The following ARPP21 variants were observed in gnomAD, a reference collection of about 807,000 sequenced individuals.
ARPP21 encodes cAMP regulated phosphoprotein 21.
In ARPP21, 69 loss-of-function variants were observed where a neutral mutation model predicts 113.2. The ratio of observed to expected loss-of-function variants is 0.61; its 90% CI spans 0.50 to 0.74. ARPP21 has a LOEUF of 0.74. ARPP21 is among the 30% of genes least tolerant of loss of function. The pLI is 0.00. For missense variants in ARPP21, 1,070 were observed against 1,037.4 expected (o/e 1.03, Z -0.43); for synonymous variants, 368 against 375.5 (o/e 0.98, Z 0.23).
At chr3:35,725,843 T>G (rs982413530) in intron 14 of ARPP21, among the ~76,000 whole-genome samples, 1 of 151,104 alleles carries the variant, frequency 6.6e-6, no homozygotes, top group Non-Finnish European at 1.5e-5. Flanking sequence ...AGCTTTCCAC[T>G]GTGAGTAGCA....
Position 35,656,688 on chromosome 3 carries a change from G to A in ARPP21, c.-213+16290G>A, listed in dbSNP as rs144175551. Reference sequence around the variant, plus strand: ...GGAGGGGTGTCACTGTAAAGGGGTCGTATGAGGAAGTTAAAAAACTGGAAC... The same window carrying A: ...GGAGGGGTGTCACTGTAAAGGGGTCATATGAGGAAGTTAAAAAACTGGAAC... On this transcript the variant is annotated intron_variant, in intron 1 of 20. Transcript: ENST00000684406. Among the ~76,000 whole-genome samples, 181 of 152,080 alleles carry A rather than the reference G, an allele frequency of 1.2e-3. No homozygotes were observed. In the East Asian group the frequency reaches 0.013, roughly 11 times the overall value.
At chr3:35,704,614 A>T (rs577772098) in intron 9 of ARPP21, among the ~76,000 whole-genome samples, 1 of 151,994 alleles carries the variant, frequency 6.6e-6, no homozygotes, top group African/African-American at 2.4e-5. Context: ...CTAATGCTCT[A>T]AATTTGAATT....
chr3:35,746,386 G>T (rs564359570), intron 19 of ARPP21, among the ~76,000 whole-genome samples: 1 of 152,188 alleles, frequency 6.6e-6, no homozygotes, highest in Admixed American at 6.5e-5. Flanking sequence ...AAATGGTCAT[G>T]GCAGTCATTT....
At chr3:35,724,192 T>G (rs910103795) in intron 14 of ARPP21, among the ~76,000 whole-genome samples, 6 of 152,210 alleles carry the variant, frequency 3.9e-5, no homozygotes, top group Non-Finnish European at 4.4e-5. Context: ...GAAGTATGAA[T>G]GTACAAGCAC....
rs772421273 is a variant in ARPP21 at position 35,717,375 on chromosome 3, T to C, written c.995+18T>C. On this transcript the variant is annotated intron_variant, in intron 13 of 20. Transcript: ENST00000684406. ...CTCTTTCGGTTGGTATGGTTTACTT[T>C]CTTAAACTGTGTTTTTTTCAAATTA... 6.6e-6 allele frequency: 10 copies of C among 1,518,424 alleles called. No homozygotes were observed. Among genetic ancestry groups the C allele is most frequent in the East Asian group, 2.3e-5 (1 of 44,318 alleles). The allele number at this position is 1,518,424 out of a possible 1,614,324, so 94.1% of individuals were successfully genotyped here.
At chr3:35,665,978 T>C (rs1426739756) in intron 1 of ARPP21, among the ~76,000 whole-genome samples, 1 of 152,094 alleles carries the variant, frequency 6.6e-6, no homozygotes, top group African/African-American at 2.4e-5. Context: ...CACTGTATGA[T>C]GGCTCAACTG....
intron 15 of ARPP21, among the ~76,000 whole-genome samples, chr3:35,736,699 T>G (rs1052316156): frequency 2.0e-5 from 3 of 152,250 alleles, no homozygotes; most frequent in Admixed American, 1.3e-4. Context: ...CTGATAATGA[T>G]TCTGAATTGG....
rs1289905922 is a variant in ARPP21, at chr3:35,792,443, A to G, written c.2199A>G (p.Pro733=). ...GFQGLIGVQQ[P]PQSQNVINNQ... The stretch of plus-strand genomic sequence containing the variant: ...AAGGCCTAATAGGAGTGCAGCAGCC[A>G]CCTCAGAGTCAGAACGTGATAAATA... Residue 733 remains proline (P), a synonymous_variant, in exon 20 of 21, where the codon CCA becomes CCG. Coordinates refer to ENST00000684406, the MANE Select transcript of ARPP21 (RefSeq NM_001385562.1). 3 of 1,613,990 alleles carry G rather than the reference A, an allele frequency of 1.9e-6. No homozygotes were observed. Among genetic ancestry groups the G allele is most frequent in the South Asian group, 1.1e-5 (1 of 91,088 alleles).
At chr3:35,740,816 A>G (rs1170772504) in intron 18 of ARPP21, among the ~76,000 whole-genome samples, 1 of 152,198 alleles carries the variant, frequency 6.6e-6, no homozygotes, top group African/African-American at 2.4e-5. Flanking sequence ...ATGAAAAATT[A>G]GCCAGGCTTA....
chr3:35,655,882 C>A (rs538432899), intron 1 of ARPP21, among the ~76,000 whole-genome samples: 1 of 151,894 alleles, frequency 6.6e-6, no homozygotes, highest in Non-Finnish European at 1.5e-5. Context: ...TGTGATGGGG[C>A]CCAAGTATAT....
At chr3:35,720,946 A>G (rs2093002081) in intron 13 of ARPP21, among the ~76,000 whole-genome samples, 1 of 152,212 alleles carries the variant, frequency 6.6e-6, no homozygotes. Flanking sequence ...GTTATTTTCA[A>G]AAGTTTTTCT....
chr3:35,755,590 TGAA>T (rs1337556964), intron 19 of ARPP21, among the ~76,000 whole-genome samples: 2 of 152,178 alleles, frequency 1.3e-5, no homozygotes, highest in South Asian at 2.1e-4. Context: ...AGCCAAATAA[TGAA>T]GAAGAATTTC....
chr3:35,645,308 A>T (rs9815170), intron 1 of ARPP21, among the ~76,000 whole-genome samples: 3,872 of 151,876 alleles, frequency 0.025, 148 homozygotes, highest in African/African-American at 0.085. Context: ...TGTTAACAAA[A>T]TCCCTTCTGT....
intron 19 of ARPP21, among the ~76,000 whole-genome samples, chr3:35,769,964 T>C (rs2096137460): frequency 6.6e-6 from 1 of 152,166 alleles, no homozygotes; most frequent in African/African-American, 2.4e-5. Context: ...TGTGGGAGTA[T>C]GTAGCGACGA....
chr3:35,723,460 G>C (rs2093287828), intron 14 of ARPP21, among the ~76,000 whole-genome samples: 1 of 152,148 alleles, frequency 6.6e-6, no homozygotes, highest in African/African-American at 2.4e-5. Context: ...TAATTGGTGA[G>C]TTCTTGATTT....
chr3:35,694,565 G>A (rs183988663), intron 9 of ARPP21, among the ~76,000 whole-genome samples: 1 of 151,516 alleles, frequency 6.6e-6, no homozygotes, highest in East Asian at 2.0e-4. Context: ...GGGGCTTACA[G>A]GGAAGCAATG....
chr3:35,656,104 A>G (rs1307040656), intron 1 of ARPP21, among the ~76,000 whole-genome samples: 1 of 152,100 alleles, frequency 6.6e-6, no homozygotes, highest in Non-Finnish European at 1.5e-5. Context: ...AATTATTTTT[A>G]AAACATATTT....
Position 35,731,847 on chromosome 3 carries a change from A to T in ARPP21, c.1459+2311A>T, listed in dbSNP as rs560031021. On this transcript the variant is annotated intron_variant, in intron 15 of 20. Coordinates refer to ENST00000684406, the MANE Select transcript of ARPP21 (RefSeq NM_001385562.1). ...ACAACAGAAATACTTGGGTGTTAGGAACCAAGATTGTATGACTATTTTGCT... is the reference window on the plus strand; with the variant it reads ...ACAACAGAAATACTTGGGTGTTAGGTACCAAGATTGTATGACTATTTTGCT... Among the ~76,000 whole-genome samples the T allele has an allele frequency of 5.3e-5, 8 of 152,290 alleles. No individual in the cohort carries two copies. In the East Asian group the frequency reaches 1.5e-3, roughly 29 times the overall value.
At chr3:35,726,081 G>A (rs2093512048) in intron 14 of ARPP21, among the ~76,000 whole-genome samples, 1 of 152,216 alleles carries the variant, frequency 6.6e-6, no homozygotes. Context: ...TGAGGCTGCT[G>A]TAAAAGTTAG....
Sources: gnomAD v4.1 joint callset for allele counts (sites outside exome capture counted in the v4.1 genomes callset) on GRCh38, gnomAD v4.1.1 for gene constraint, MANE v1.5 for transcripts, NCBI Gene and HGNC (gene_info 2026-07-23, HGNC 2026-07-21) for gene names.